The following ITGA8 variants were observed in gnomAD, a reference collection of about 807,000 sequenced individuals.
ITGA8 encodes the protein integrin alpha-8.
Under a neutral mutation model 142.3 loss-of-function variants are expected in ITGA8, and 91 were observed. That is an observed-to-expected ratio of 0.64 (90% CI 0.54 to 0.76). The LOEUF (loss-of-function observed/expected upper bound fraction) is 0.76, where lower values mean the gene tolerates loss of function less well. ITGA8 is among the 30% of genes least tolerant of loss of function. ITGA8 has a pLI of 0.00. For missense variants in ITGA8, 1,406 were observed against 1,327.7 expected (o/e 1.06, Z -0.92); for synonymous variants, 505 against 485.2 (o/e 1.04, Z -0.54).
chr10:15,697,846 ATAGAG>A (rs1047319336), intron 2 of ITGA8, among the ~76,000 whole-genome samples: 5 of 152,218 alleles, frequency 3.3e-5, no homozygotes, highest in Non-Finnish European at 5.9e-5. Context: ...CCGACAGTTG[ATAGAG>A]TAGTCTTTGG....
intron 28 of ITGA8, among the ~76,000 whole-genome samples, chr10:15,526,329 AC>A (rs1833174290): frequency 1.3e-5 from 2 of 152,082 alleles, no homozygotes; most frequent in Non-Finnish European, 2.9e-5. Flanking sequence ...GGCATGCGCC[AC>A]CATGCCTGGC....
intron 9 of ITGA8, among the ~76,000 whole-genome samples, chr10:15,659,994 T>C (rs2131670719): frequency 6.6e-6 from 1 of 152,340 alleles, no homozygotes; most frequent in South Asian, 2.1e-4. Flanking sequence ...GCCAGGCAGT[T>C]TGTGATTCTA....
chr10:15,604,080 C>G (rs1449482439), intron 20 of ITGA8, 128 bp downstream of exon 20: 3 of 817,122 alleles, frequency 3.7e-6, no homozygotes, highest in Non-Finnish European at 5.9e-6. Flanking sequence ...TATGATTTAA[C>G]AAAAGAAGGT....
intron 22 of ITGA8, among the ~76,000 whole-genome samples, chr10:15,588,135 C>T (rs1044449857): frequency 6.6e-6 from 1 of 152,068 alleles, no homozygotes. Context: ...GATGGTAATG[C>T]GGTAGGTTGT....
intron 13 of ITGA8, among the ~76,000 whole-genome samples, chr10:15,630,672 T>G (rs1833668565): frequency 6.6e-6 from 1 of 151,842 alleles, no homozygotes; most frequent in Non-Finnish European, 1.5e-5. Flanking sequence ...ATGCATCAGG[T>G]GAATGACCTG....
intron 18 of ITGA8, 85 bp from the exon 19 acceptor site, chr10:15,605,876 A>T (rs1833186462): frequency 8.1e-6 from 10 of 1,227,578 alleles, no homozygotes; most frequent in Non-Finnish European, 1.2e-5. Flanking sequence ...TGGTGCCACA[A>T]ACGGAACCAG....
chr10:15,516,496 A>G lies in ITGA8; in HGVS notation c.*662T>C, dbSNP rs1054346637. 1.3e-5 allele frequency: 2 copies of G among 152,220 alleles called. No homozygotes were observed. The highest frequency in any genetic ancestry group is 3.8e-4 in the East Asian group (2 of 5,196). 9.4% of individuals were successfully genotyped at this position (152,220 alleles called of 1,614,324 possible). On this transcript the variant is annotated 3_prime_UTR_variant, in exon 30 of 30. Coordinates refer to ENST00000378076, the MANE Select transcript of ITGA8 (RefSeq NM_003638.3). ...GGAAACTGAGTGAGTGATTTTGAAA[A>G]CTAGCTAACCAAATCTTAATTTCCA...
Position 15,543,589 on chromosome 10 carries a change from T to A in ITGA8, c.2880+4866A>T, listed in dbSNP as rs1361002534. ...ATAACAAAACCAATTTAAACCCTAA[T>A]TAATTGCTTTCTTCTCATATTAGTA... On this transcript the variant is annotated intron_variant, in intron 27 of 29. Coordinates refer to ENST00000378076, the MANE Select transcript of ITGA8 (RefSeq NM_003638.3). Among the ~76,000 whole-genome samples the A allele has an allele frequency of 2.0e-5, 3 of 152,280 alleles. No homozygotes were observed. The East Asian group carries it at 5.8e-4, about 29-fold the overall frequency.
At chr10:15,659,407 T>G (rs1834244944) in intron 9 of ITGA8, among the ~76,000 whole-genome samples, 1 of 152,238 alleles carries the variant, frequency 6.6e-6, no homozygotes, top group Non-Finnish European at 1.5e-5. Flanking sequence ...TATGATAAAT[T>G]GATCATTATG....
intron 2 of ITGA8, among the ~76,000 whole-genome samples, chr10:15,693,086 TA>T (rs1435685948): frequency 6.6e-6 from 1 of 152,016 alleles, no homozygotes; most frequent in Non-Finnish European, 1.5e-5. Context: ...TAAAATAAAA[TA>T]AAATAAAGCA....
At chr10:15,674,806 G>A (rs1834595042) in intron 6 of ITGA8, among the ~76,000 whole-genome samples, 1 of 151,974 alleles carries the variant, frequency 6.6e-6, no homozygotes, top group African/African-American at 2.4e-5. Context: ...CAGGTGTGGT[G>A]GCATGCAACT....
intron 27 of ITGA8, among the ~76,000 whole-genome samples, chr10:15,547,161 TA>T (rs548338551): frequency 6.0e-5 from 9 of 149,502 alleles, no homozygotes; most frequent in Non-Finnish European, 6.0e-5. Context: ...AATTTAGGAT[TA>T]AAAAAAAAAT....
At chr10:15,679,902 C>G (rs554792310) in intron 4 of ITGA8, among the ~76,000 whole-genome samples, 1 of 152,310 alleles carries the variant, frequency 6.6e-6, no homozygotes, top group African/African-American at 2.4e-5. Flanking sequence ...CAACTTCTAA[C>G]ATGCCTAAAA....
At chr10:15,550,840 A>G (rs899806173) in intron 26 of ITGA8, among the ~76,000 whole-genome samples, 1 of 151,704 alleles carries the variant, frequency 6.6e-6, no homozygotes, top group African/African-American at 2.4e-5. Context: ...ATATGAGAGG[A>G]AAGAGAAGAG....
At chr10:15,553,175 T>A (rs925385541) in intron 26 of ITGA8, among the ~76,000 whole-genome samples, 2 of 152,184 alleles carry the variant, frequency 1.3e-5, no homozygotes, top group East Asian at 3.9e-4. Context: ...GAGGATCACT[T>A]GAATCCGGGA....
At chr10:15,629,876 C>T (rs1437110894) in intron 13 of ITGA8, among the ~76,000 whole-genome samples, 1 of 151,944 alleles carries the variant, frequency 6.6e-6, no homozygotes, top group African/African-American at 2.4e-5. Context: ...TGCAGTGAGC[C>T]AAGATTGTGC....
chr10:15,620,808 G>T (rs1011699805), intron 13 of ITGA8, among the ~76,000 whole-genome samples: 1 of 152,176 alleles, frequency 6.6e-6, no homozygotes, highest in Non-Finnish European at 1.5e-5. Flanking sequence ...AGAAGTTTGT[G>T]TATGCAGCGT....
intron 13 of ITGA8, among the ~76,000 whole-genome samples, chr10:15,628,679 G>A (rs943174543): frequency 6.6e-6 from 1 of 151,708 alleles, no homozygotes; most frequent in Admixed American, 6.6e-5. Flanking sequence ...CTCTCTTGGG[G>A]TCTGGATCAG....
chr10:15,689,006 G>GA (rs1415851605), intron 2 of ITGA8, among the ~76,000 whole-genome samples: 1 of 152,080 alleles, frequency 6.6e-6, no homozygotes, highest in Non-Finnish European at 1.5e-5. Context: ...AGTTGGGCAA[G>GA]AAAAAGAAAT....
Sources: allele counts gnomAD v4.1 joint callset (sites outside exome capture counted in the v4.1 genomes callset), GRCh38; gene constraint gnomAD v4.1.1; transcripts MANE v1.5; gene names NCBI Gene and HGNC (gene_info 2026-07-23, HGNC 2026-07-21).